The following CTNNA3 variants were observed in gnomAD, a reference collection of about 807,000 sequenced individuals.
CTNNA3 encodes catenin alpha-3.
Under a neutral mutation model 95.7 loss-of-function variants are expected in CTNNA3, and 76 were observed. That is an observed-to-expected ratio of 0.79 (90% CI 0.66 to 0.96). CTNNA3 has a LOEUF of 0.96. CTNNA3 is among the 40% of genes least tolerant of loss of function. CTNNA3 has a pLI of 0.00. For missense variants in CTNNA3, 1,191 were observed against 1,089.8 expected (o/e 1.09, Z -1.31); for synonymous variants, 431 against 374.4 (o/e 1.15, Z -1.74).
chr10:67,209,461 G>C (rs1386133803), intron 6 of CTNNA3, among the ~76,000 whole-genome samples: 1 of 152,148 alleles, frequency 6.6e-6, no homozygotes, highest in East Asian at 1.9e-4. Context: ...AGGTGAAACA[G>C]AAAACAGAAG....
At chr10:66,651,203 T>C (rs558636422) in intron 9 of CTNNA3, among the ~76,000 whole-genome samples, 39 of 152,266 alleles carry the variant, frequency 2.6e-4, no homozygotes, top group African/African-American at 8.4e-4. Context: ...AGAGTGCTGA[T>C]TGGTGCATTT....
intron 7 of CTNNA3, among the ~76,000 whole-genome samples, chr10:66,837,226 G>A (rs138096508): frequency 5.1e-4 from 78 of 152,170 alleles, no homozygotes; most frequent in African/African-American, 1.8e-3. Flanking sequence ...TCACCACTAC[G>A]AACAACAGAA....
At chr10:67,622,814 A>T (rs17453024) in intron 2 of CTNNA3, among the ~76,000 whole-genome samples, 2,305 of 152,312 alleles carry the variant, frequency 0.015, 24 homozygotes, top group Middle Eastern at 0.051. Context: ...ATTAGAATCA[A>T]CTCAGCTATA....
chr10:66,055,440 G>T (rs2080061212), intron 15 of CTNNA3, among the ~76,000 whole-genome samples: 1 of 151,812 alleles, frequency 6.6e-6, no homozygotes, highest in Admixed American at 6.6e-5. Context: ...TCACTTCTTT[G>T]GTTAATTCCT....
intron 13 of CTNNA3, among the ~76,000 whole-genome samples, chr10:66,216,849 A>G (rs7923980): frequency 0.56 from 85,712 of 151,916 alleles, 24,875 homozygotes; most frequent in South Asian, 0.65. Context: ...TTGGTGCAAT[A>G]AATGTGTATA....
At chr10:66,684,028 G>C (rs1017292302) in intron 9 of CTNNA3, among the ~76,000 whole-genome samples, 1 of 152,176 alleles carries the variant, frequency 6.6e-6, no homozygotes, top group African/African-American at 2.4e-5. Context: ...GGAGGTGTGA[G>C]ACATGGCTCC....
intron 13 of CTNNA3, among the ~76,000 whole-genome samples, chr10:66,131,355 A>G (rs1013556403): frequency 4.6e-5 from 7 of 152,150 alleles, no homozygotes; most frequent in Non-Finnish European, 7.4e-5. Flanking sequence ...ACGTCAAAAA[A>G]CTAACCCACC....
chr10:66,608,133 A>G (rs1275920171), intron 10 of CTNNA3, among the ~76,000 whole-genome samples: 1 of 152,178 alleles, frequency 6.6e-6, no homozygotes, highest in Non-Finnish European at 1.5e-5. Flanking sequence ...ACAAATCACT[A>G]CCATTCCCAT....
chr10:66,272,442 C>T (rs763043431), intron 13 of CTNNA3, among the ~76,000 whole-genome samples: 8 of 152,092 alleles, frequency 5.3e-5, no homozygotes, highest in Admixed American at 1.3e-4. Flanking sequence ...AGGGGAGAAG[C>T]GCACATTTGA....
chr10:66,811,986 C>G (rs999001209), intron 7 of CTNNA3, among the ~76,000 whole-genome samples: 1 of 152,112 alleles, frequency 6.6e-6, no homozygotes, highest in African/African-American at 2.4e-5. Context: ...CATTTGAGCT[C>G]CTGCTTCCTG....
intron 7 of CTNNA3, among the ~76,000 whole-genome samples, chr10:66,824,809 TG>T: frequency 6.6e-6 from 1 of 152,194 alleles, no homozygotes; most frequent in Admixed American, 6.5e-5. Context: ...TAAGGAGACG[TG>T]GTGACTAAAT....
intron 12 of CTNNA3, among the ~76,000 whole-genome samples, chr10:66,353,694 C>A (rs550413509): frequency 6.6e-6 from 1 of 152,002 alleles, no homozygotes; most frequent in Non-Finnish European, 1.5e-5. Context: ...CAATTTGTTT[C>A]ATTTTGTTTC....
chr10:66,048,716 G>A (rs567740601), intron 15 of CTNNA3, among the ~76,000 whole-genome samples: 7 of 152,232 alleles, frequency 4.6e-5, no homozygotes, highest in African/African-American at 1.2e-4. Flanking sequence ...AGCCAAGATC[G>A]TGCCACTGCA....
Position 65,977,662 on chromosome 10 carries a change from G to A in CTNNA3, c.2266-10916C>T, listed in dbSNP as rs551568358. ...CCGGGCATGGTGACTCGTACCTATA[G>A]TCCCAGCTACTTGGGTGGCTGAGAC... On this transcript the variant is annotated intron_variant, in intron 16 of 17. Transcript: ENST00000433211. Among the ~76,000 whole-genome samples the A allele has an allele frequency of 7.2e-5, 11 of 152,016 alleles. No individual in the cohort carries two copies. In the South Asian group the frequency reaches 1.7e-3, roughly 23 times the overall value.
At chr10:66,989,091 G>A (rs1416546104) in intron 7 of CTNNA3, among the ~76,000 whole-genome samples, 1 of 151,912 alleles carries the variant, frequency 6.6e-6, no homozygotes, top group African/African-American at 2.4e-5. Flanking sequence ...TGTATTTCCT[G>A]GAAATTGTAT....
At chr10:66,550,138 T>A (rs1248995335) in intron 10 of CTNNA3, among the ~76,000 whole-genome samples, 1 of 152,158 alleles carries the variant, frequency 6.6e-6, no homozygotes, top group African/African-American at 2.4e-5. Flanking sequence ...TATACCTTTA[T>A]AAATGTTATG....
rs1564673003 is a variant in CTNNA3 at position 66,772,443 on chromosome 10, GA to G, written c.1128+3000del. On this transcript the variant is annotated intron_variant, in intron 8 of 17. Transcript: ENST00000433211. Reference sequence around the variant, plus strand: ...CTGTCTCAAACAAAAAAAAAAAAAAGAGAGAGAGAGAAAAGAAAACAGGTTA... The same window carrying G: ...CTGTCTCAAACAAAAAAAAAAAAAAGGAGAGAGAGAAAAGAAAACAGGTTA... 6.2e-4 allele frequency among the ~76,000 whole-genome samples: 5 copies of G among 8,078 alleles called. No homozygotes were observed. In the East Asian group the frequency reaches 0.02, roughly 32 times the overall value. The allele number at this position is 8,078 out of a possible 152,430, so 5.3% of individuals were successfully genotyped here.
rs2077058763 is a variant in CTNNA3, at chr10:65,920,092, T to C, written c.*238A>G. 9.4e-6 allele frequency: 5 copies of C among 533,526 alleles called. No individual in the cohort carries two copies. The Admixed American group carries it at 1.0e-4, about 11-fold the overall frequency. 33.0% of individuals were successfully genotyped at this position (533,526 alleles called of 1,614,324 possible). A position where few individuals can be genotyped will look rare whatever the true frequency, so the allele number is the denominator to read the frequency against. On this transcript the variant is annotated 3_prime_UTR_variant, in exon 18 of 18. Transcript: ENST00000433211. ...ATGGGAAACGCTGAATGACACGTGATAATTTCATTCATTCAACAAGCAAAT... is the reference window on the plus strand; with the variant it reads ...ATGGGAAACGCTGAATGACACGTGACAATTTCATTCATTCAACAAGCAAAT...
In CTNNA3 at chr10:66,579,683, T is replaced by C. The variant is rs1843119768; in HGVS notation, c.1374+42009A>G. Among the ~76,000 whole-genome samples, 9 of 151,918 alleles carry C rather than the reference T, an allele frequency of 5.9e-5. No individual in the cohort carries two copies. In the South Asian group the frequency reaches 1.9e-3, roughly 32 times the overall value. On this transcript the variant is annotated intron_variant, in intron 10 of 17. Coordinates refer to ENST00000433211, the MANE Select transcript of CTNNA3 (RefSeq NM_013266.4). ...GTAGGTCTGCTGGTGTCAAATTATT[T>C]TATTGTTCCTTCATCTCCGAGAATT...
Sources: gnomAD v4.1 joint callset for allele counts (sites outside exome capture counted in the v4.1 genomes callset) on GRCh38, gnomAD v4.1.1 for gene constraint, MANE v1.5 for transcripts, NCBI Gene and HGNC (gene_info 2026-07-23, HGNC 2026-07-21) for gene names.